The following GPR155 variants were observed in gnomAD, a reference collection of about 807,000 sequenced individuals.
GPR155 encodes G protein-coupled receptor 155.
A neutral mutation model predicts 93.1 loss-of-function variants in GPR155; 65 were observed. That is an observed-to-expected ratio of 0.70 (90% CI 0.57 to 0.86). The LOEUF (loss-of-function observed/expected upper bound fraction) is 0.86, where lower values mean the gene tolerates loss of function less well. GPR155 is among the 40% of genes least tolerant of loss of function. The pLI, the probability that GPR155 is intolerant of heterozygous loss-of-function variation, is 0.00. For missense variants in GPR155, 838 were observed against 1,034.8 expected (o/e 0.81, Z 2.61); for synonymous variants, 319 against 360.1 (o/e 0.89, Z 1.29).
chr2:174,451,439 CTA>C (rs1211174778), intron 11 of GPR155, among the ~76,000 whole-genome samples: 1 of 152,070 alleles, frequency 6.6e-6, no homozygotes, highest in Non-Finnish European at 1.5e-5. Flanking sequence ...TGCCTTTGTA[CTA>C]TGCCAAGGGG....
chr2:174,441,644 C>T (rs1402287319), intron 14 of GPR155, among the ~76,000 whole-genome samples: 3 of 152,038 alleles, frequency 2.0e-5, no homozygotes, highest in East Asian at 1.9e-4. Flanking sequence ...CAAGTGTTCT[C>T]ATTGTTCAGT....
chr2:174,458,501 T>G (rs1304150018), intron 10 of GPR155, among the ~76,000 whole-genome samples: 1 of 152,222 alleles, frequency 6.6e-6, no homozygotes, highest in East Asian at 1.9e-4. Context: ...GAAGTTGTTC[T>G]CAGTTTCTCT....
At chr2:174,483,175 A>AG (rs1491497671) in intron 1 of GPR155, 1 of 150,370 alleles carries the variant, frequency 6.7e-6, no homozygotes, top group Admixed American at 6.7e-5. Flanking sequence ...TACACGAGAC[A>AG]GAAAAAAAAA....
chr2:174,435,374 G>A lies in GPR155; in HGVS notation c.*742C>T, dbSNP rs1286411143. 6.6e-6 allele frequency: 1 copy of A among 152,158 alleles called. No individual in the cohort carries two copies. Among genetic ancestry groups the A allele is most frequent in the Non-Finnish European group, 1.5e-5 (1 of 68,032 alleles). The allele number at this position is 152,158 out of a possible 1,614,324, so 9.4% of individuals were successfully genotyped here. ...CAACTATTTACATAGCATTTACATT[G>A]TATTAGGCATTATAAGTATCTAAAG... On this transcript the variant is annotated 3_prime_UTR_variant, in exon 16 of 16. Transcript: ENST00000392552.
intron 1 of GPR155, among the ~76,000 whole-genome samples, chr2:174,483,837 G>C (rs888293785): frequency 6.6e-6 from 1 of 152,082 alleles, no homozygotes; most frequent in East Asian, 1.9e-4. Flanking sequence ...TGCCCGCCTC[G>C]GCCTCCCAAA....
intron 4 of GPR155, 51 bp downstream of exon 4, chr2:174,470,339 A>AT: frequency 1.4e-6 from 2 of 1,386,680 alleles, no homozygotes; most frequent in Non-Finnish European, 1.9e-6. Flanking sequence ...GAATTTAAAA[A>AT]TTTTTTTCGA....
In GPR155 at chr2:174,481,507, TC is replaced by T; in HGVS notation, c.449del (p.Gly150AspfsTer4). 1 of 1,590,116 alleles carries T rather than the reference TC, an allele frequency of 6.3e-7. No homozygotes were observed. The highest frequency in any genetic ancestry group is 8.6e-7 in the Non-Finnish European group (1 of 1,163,802). ...FATQSNDFALGYPIVEALYQT... is the reference protein window; with the variant it reads ...FATQSNDFALXYPIVEALYQT... ...TAAAAATTAACTTACCTATAGGGTATCCCAATGCAAAGTCATTACTTTGTGT... is the reference window on the plus strand; with the variant it reads ...TAAAAATTAACTTACCTATAGGGTATCCAATGCAAAGTCATTACTTTGTGT... On this transcript the variant is annotated frameshift_variant, in exon 2 of 16. Transcript: ENST00000392552. LOFTEE classifies it high-confidence loss of function.
intron 7 of GPR155, 51 bp downstream of exon 7, chr2:174,465,734 A>G (rs1277925676): frequency 3.4e-6 from 3 of 872,780 alleles, no homozygotes; most frequent in Non-Finnish European, 5.8e-6. Flanking sequence ...GCTATTAGGA[A>G]TGGGGTGGGG....
Position 174,455,535 on chromosome 2 carries a change from A to G in GPR155, c.1772-1694T>C, listed in dbSNP as rs1249632146. Among the ~76,000 whole-genome samples, 5 of 152,296 alleles carry G rather than the reference A, an allele frequency of 3.3e-5. No individual in the cohort carries two copies. The East Asian group carries it at 9.7e-4, about 29-fold the overall frequency. ...TTTGGCCATTTCCCTTATAAAACAGACTGGACCAGAGTGACAAGAAACAGG... is the reference window on the plus strand; with the variant it reads ...TTTGGCCATTTCCCTTATAAAACAGGCTGGACCAGAGTGACAAGAAACAGG... On this transcript the variant is annotated intron_variant, in intron 10 of 15. Coordinates refer to ENST00000392552, the MANE Select transcript of GPR155 (RefSeq NM_152529.7).
chr2:174,483,388 T>C (rs981452135), intron 1 of GPR155, among the ~76,000 whole-genome samples: 1 of 152,056 alleles, frequency 6.6e-6, no homozygotes, highest in Non-Finnish European at 1.5e-5. Context: ...TGTTAAAAAA[T>C]ACAAAATGTT....
chr2:174,451,831 G>A (rs1251883993), intron 11 of GPR155, among the ~76,000 whole-genome samples: 1 of 152,006 alleles, frequency 6.6e-6, no homozygotes, highest in Non-Finnish European at 1.5e-5. Context: ...ATTCTTTGTA[G>A]AGATAGGGTC....
intron 3 of GPR155, among the ~76,000 whole-genome samples, chr2:174,472,742 A>G (rs1183379291): frequency 6.6e-6 from 1 of 152,184 alleles, no homozygotes; most frequent in African/African-American, 2.4e-5. Flanking sequence ...AGGGAAACCC[A>G]TCATCTTTAT....
At chr2:174,484,626 G>A (rs913354678) in intron 1 of GPR155, among the ~76,000 whole-genome samples, 1 of 152,176 alleles carries the variant, frequency 6.6e-6, no homozygotes, top group African/African-American at 2.4e-5. Context: ...ACTGTAAAAT[G>A]AGAGTAAAAA....
At position 174,433,533 on chromosome 2, in the gene GPR155, T is replaced by C. The variant is rs1245116172; in HGVS notation, c.*2583A>G. On this transcript the variant is annotated 3_prime_UTR_variant, in exon 16 of 16. Transcript: ENST00000392552. ...ATGGGAAGAATTTACACAGCCCCAC[T>C]TCTCTGCCTGTAGAAATGTAAAGTT... is the stretch of plus-strand genomic sequence containing the variant. 6.6e-6 allele frequency: 1 copy of C among 152,254 alleles called. No individual in the cohort carries two copies. The highest frequency in any genetic ancestry group is 1.5e-5 in the Non-Finnish European group (1 of 68,060). The allele number at this position is 152,254 out of a possible 1,614,324, so 9.4% of individuals were successfully genotyped here.
At chr2:174,437,553 A>AT (rs202246476) in intron 15 of GPR155, among the ~76,000 whole-genome samples, 4,150 of 127,056 alleles carry the variant, frequency 0.033, 90 homozygotes, top group Non-Finnish European at 0.052. Context: ...TTGCTTGTTG[A>AT]TTTTTTTATT....
chr2:174,484,887 C>T (rs1005975673), intron 1 of GPR155, among the ~76,000 whole-genome samples: 5 of 152,116 alleles, frequency 3.3e-5, no homozygotes, highest in African/African-American at 1.2e-4. Context: ...CACCACTGCA[C>T]TCCAGCCTGA....
Position 174,459,177 on chromosome 2 carries a change from T to C in GPR155, c.1771+701A>G, listed in dbSNP as rs546238179. Among the ~76,000 whole-genome samples, 3 of 152,338 alleles carry C rather than the reference T, an allele frequency of 2.0e-5. No individual in the cohort carries two copies. The South Asian group carries it at 6.2e-4, about 32-fold the overall frequency. On this transcript the variant is annotated intron_variant, in intron 10 of 15. Transcript: ENST00000392552. Reference sequence around the variant, plus strand: ...TGGGCCAGATTTGGCCTATGGACTATAGTTTGCCCAAAACTGACTTACATC... The same window carrying C: ...TGGGCCAGATTTGGCCTATGGACTACAGTTTGCCCAAAACTGACTTACATC...
chr2:174,476,797 C>T (rs1350206857), intron 2 of GPR155, among the ~76,000 whole-genome samples: 1 of 152,122 alleles, frequency 6.6e-6, no homozygotes, highest in East Asian at 1.9e-4. Flanking sequence ...CACCCCCTAA[C>T]TTCTTAATAT....
rs901784244 is a variant in GPR155 at position 174,434,822 on chromosome 2, T to C, written c.*1294A>G. On this transcript the variant is annotated 3_prime_UTR_variant, in exon 16 of 16. Transcript: ENST00000392552. ...TTTTTTTTTTTTAGTACAGACCGGG[T>C]TTCACCACGTTGCCCGGGCTGGTCT... The C allele has an allele frequency of 6.6e-6, 1 of 151,128 alleles. No homozygotes were observed. The highest frequency in any genetic ancestry group is 2.4e-5 in the African/African-American group (1 of 41,118). 9.4% of individuals were successfully genotyped at this position (151,128 alleles called of 1,614,324 possible).
Sources: allele counts gnomAD v4.1 joint callset (sites outside exome capture counted in the v4.1 genomes callset), GRCh38; gene constraint gnomAD v4.1.1; transcripts MANE v1.5; gene names NCBI Gene and HGNC (gene_info 2026-07-23, HGNC 2026-07-21).